The following KDSR variants were observed in gnomAD, a reference collection of about 807,000 sequenced individuals.
KDSR encodes the protein 3-dehydrosphinganine reductase.
Under a neutral mutation model 41.3 loss-of-function variants are expected in KDSR, and 23 were observed. The observed-to-expected ratio is 0.56, with a 90% CI of 0.40 to 0.79. The LOEUF (loss-of-function observed/expected upper bound fraction) is 0.79, where lower values mean the gene tolerates loss of function less well. Among genes scored for constraint, KDSR ranks in the 30% least tolerant of loss-of-function variants. KDSR has a pLI of 0.00. For synonymous variants in KDSR, 138 were observed against 151.7 expected (o/e 0.91, Z 0.66); for missense variants, 351 against 416.8 (o/e 0.84, Z 1.37).
intron 1 of KDSR, among the ~76,000 whole-genome samples, chr18:63,363,454 G>A (rs1915052367): frequency 7.6e-6 from 1 of 131,300 alleles, no homozygotes; most frequent in Non-Finnish European, 1.6e-5. Flanking sequence ...TCCCACCTAT[G>A]AGTGAGAATA....
At chr18:63,336,186 C>T (rs1013432161) in intron 8 of KDSR, among the ~76,000 whole-genome samples, 1 of 152,194 alleles carries the variant, frequency 6.6e-6, no homozygotes, top group Non-Finnish European at 1.5e-5. Flanking sequence ...TGCACCACCA[C>T]ACCCGGGTAA....
chr18:63,360,537 T>G (rs1914929676), intron 2 of KDSR, among the ~76,000 whole-genome samples: 1 of 152,160 alleles, frequency 6.6e-6, no homozygotes, highest in Non-Finnish European at 1.5e-5. Flanking sequence ...TGACTAAAGA[T>G]ACATACAGCT....
At chr18:63,365,735 C>A (rs1915117005) in intron 1 of KDSR, among the ~76,000 whole-genome samples, 1 of 152,160 alleles carries the variant, frequency 6.6e-6, no homozygotes, top group Admixed American at 6.5e-5. Flanking sequence ...GGTTTAAAGC[C>A]ACGCTTTTGA....
At chr18:63,358,195 A>G (rs1176349818) in intron 3 of KDSR, among the ~76,000 whole-genome samples, 1 of 152,010 alleles carries the variant, frequency 6.6e-6, no homozygotes, top group Non-Finnish European at 1.5e-5. Context: ...GAAATAAATA[A>G]TAATAATATT....
Position 63,367,073 on chromosome 18 carries a change from G to A in KDSR, c.46C>T (p.Leu16=), listed in dbSNP as rs2144389029. 3 of 1,336,414 alleles carry A rather than the reference G, an allele frequency of 2.2e-6. No individual in the cohort carries two copies. The highest frequency in any genetic ancestry group is 2.0e-4 in the Middle Eastern group (1 of 5,008). 82.8% of individuals were successfully genotyped at this position (1,336,414 alleles called of 1,614,324 possible). A position where few individuals can be genotyped will look rare whatever the true frequency, so the allele number is the denominator to read the frequency against. The stretch of plus-strand genomic sequence containing the variant: ...CTGATGAGCGGAGACACCATGTACA[G>A]CAGCAGCACGAAGGCCACGAGGAAG... ...AAFLVAFVLL[L]YMVSPLISPK... The change falls in exon 1 of 10, where the codon CTG becomes TTG. Residue 16 remains leucine (L), a synonymous_variant. Transcript: ENST00000645214.
intron 1 of KDSR, chr18:63,366,223 G>C (rs1429993804): frequency 1.3e-5 from 2 of 152,250 alleles, no homozygotes; most frequent in African/African-American, 2.4e-5. Flanking sequence ...CTGAATATGC[G>C]AGCTTCCGCC....
chr18:63,362,691 G>A, intron 2 of KDSR, 88 bp downstream of exon 2: 1 of 837,308 alleles, frequency 1.2e-6, no homozygotes, highest in South Asian at 1.5e-5. Flanking sequence ...CGCTTTCTAG[G>A]TGTGAATGCT....
intron 3 of KDSR, 116 bp from the exon 4 acceptor site, chr18:63,355,679 A>G: frequency 7.4e-7 from 1 of 1,355,956 alleles, no homozygotes; most frequent in Non-Finnish European, 9.6e-7. Context: ...TATTGAATGA[A>G]CAGATTTCAG....
At chr18:63,357,055 G>A (rs1023385138) in intron 3 of KDSR, among the ~76,000 whole-genome samples, 1 of 152,206 alleles carries the variant, frequency 6.6e-6, no homozygotes, top group Non-Finnish European at 1.5e-5. Flanking sequence ...CTAGGCTGCA[G>A]CAATTTAAGG....
At chr18:63,332,047 G>T in intron 9 of KDSR, 146 bp from the exon 10 acceptor site, 1 of 824,256 alleles carries the variant, frequency 1.2e-6, no homozygotes, top group Non-Finnish European at 1.8e-6. Context: ...ATGTCAGTAA[G>T]CTGTGAGAAC....
chr18:63,354,264 G>T (rs538235071), intron 5 of KDSR, among the ~76,000 whole-genome samples: 1 of 152,136 alleles, frequency 6.6e-6, no homozygotes, highest in South Asian at 2.1e-4. Context: ...GCAGTGAGCC[G>T]AGATCGTGCC....
At chr18:63,361,022 T>TATATATAATAA (rs1914957095) in intron 2 of KDSR, among the ~76,000 whole-genome samples, 1 of 123,472 alleles carries the variant, frequency 8.1e-6, no homozygotes, top group South Asian at 2.5e-4. Flanking sequence ...ATATAAAATA[T>TATATATAATAA]ATAATATATA....
At chr18:63,366,864 G>C (rs1915154477) in intron 1 of KDSR, 147 bp downstream of exon 1, 1 of 411,702 alleles carries the variant, frequency 2.4e-6, no homozygotes, top group African/African-American at 2.1e-5. Context: ...AAAGCGCCGG[G>C]GTGGACGGCG....
chr18:63,353,135 T>A (rs1455466538), intron 5 of KDSR, among the ~76,000 whole-genome samples: 2 of 151,656 alleles, frequency 1.3e-5, no homozygotes, highest in Non-Finnish European at 2.9e-5. Context: ...GACCCGAGAT[T>A]GAGCCACTGC....
At position 63,355,064 on chromosome 18, in the gene KDSR, G is replaced by T. The variant is rs1171246521; in HGVS notation, c.417+140C>A. On this transcript the variant is annotated intron_variant, in intron 5 of 9. Transcript: ENST00000645214. The stretch of plus-strand genomic sequence containing the variant: ...TGAAAACCTTGTTCAGCTTCACCTT[G>T]TTCAGCCTTCCTCTAGAGTCTTCTA... 6.6e-6 allele frequency: 4 copies of T among 604,458 alleles called. No homozygotes were observed. The African/African-American group carries it at 7.5e-5, about 11-fold the overall frequency. The allele number at this position is 604,458 out of a possible 1,614,324, so 37.4% of individuals were successfully genotyped here. A position where few individuals can be genotyped will look rare whatever the true frequency, so the allele number is the denominator to read the frequency against.
chr18:63,357,793 T>A, intron 3 of KDSR, among the ~76,000 whole-genome samples: 1 of 151,900 alleles, frequency 6.6e-6, no homozygotes, highest in East Asian at 1.9e-4. Context: ...TCCAGGCTGA[T>A]CTCAAACACC....
intron 3 of KDSR, 58 bp from the exon 4 acceptor site, chr18:63,355,621 G>T (rs1914774185): frequency 6.7e-7 from 1 of 1,483,614 alleles, no homozygotes; most frequent in South Asian, 1.4e-5. Flanking sequence ...ATTTCTTAAA[G>T]ATATTTTTTA....
intron 1 of KDSR, 57 bp downstream of exon 1, chr18:63,366,954 C>A: frequency 4.1e-6 from 4 of 973,830 alleles, no homozygotes; most frequent in South Asian, 4.5e-5. Context: ...GCGGCCTCGG[C>A]GGCGGAAAGG....
intron 3 of KDSR, among the ~76,000 whole-genome samples, chr18:63,359,114 G>A (rs1914888622): frequency 6.8e-6 from 1 of 146,396 alleles, no homozygotes; most frequent in Non-Finnish European, 1.5e-5. Context: ...AGGAGGTCGA[G>A]GCTGCAGTGA....
Sources: allele counts gnomAD v4.1 joint callset (sites outside exome capture counted in the v4.1 genomes callset), GRCh38; gene constraint gnomAD v4.1.1; transcripts MANE v1.5; gene names NCBI Gene and HGNC (gene_info 2026-07-23, HGNC 2026-07-21).